The following NELL1 variants were observed in gnomAD, a reference collection of about 807,000 sequenced individuals.
NELL1 encodes the protein neural EGFL like 1.
NELL1 carries 76 observed loss-of-function variants against 107.4 expected under a neutral mutation model. The ratio of observed to expected loss-of-function variants is 0.71; its 90% CI spans 0.59 to 0.86. The LOEUF (loss-of-function observed/expected upper bound fraction) is 0.86. Among genes scored for constraint, NELL1 ranks in the 40% least tolerant of loss-of-function variants. NELL1 has a pLI of 0.00. For synonymous variants in NELL1, 353 were observed against 341.2 expected, an observed-to-expected ratio of 1.03 and a Z score of -0.38; for missense variants, 1,024 against 1,005.5, an observed-to-expected ratio of 1.02 and a Z score of -0.25.
At chr11:20,737,498 T>C (rs1769095381) in intron 2 of NELL1, among the ~76,000 whole-genome samples, 1 of 152,082 alleles carries the variant, frequency 6.6e-6, no homozygotes, top group Non-Finnish European at 1.5e-5. Context: ...AATGTGACCC[T>C]GAGTCAGTTT....
intron 2 of NELL1, among the ~76,000 whole-genome samples, chr11:20,687,224 A>C (rs1047027176): frequency 2.6e-5 from 4 of 151,930 alleles, no homozygotes; most frequent in Admixed American, 6.6e-5. Context: ...AATTTTTATG[A>C]GTACATTATT....
intron 13 of NELL1, among the ~76,000 whole-genome samples, chr11:21,149,914 A>C (rs1856076303): frequency 6.6e-6 from 1 of 152,178 alleles, no homozygotes; most frequent in African/African-American, 2.4e-5. Flanking sequence ...GAAACAAAAC[A>C]GAGTGAAGCT....
At chr11:21,451,185 T>TAAAAAAAAAAAAAAAAAAAA (rs35257979) in intron 15 of NELL1, among the ~76,000 whole-genome samples, 2 of 101,584 alleles carry the variant, frequency 2.0e-5, no homozygotes, top group Admixed American at 1.2e-4. Flanking sequence ...AGACTCCGTC[T>TAAAAAAAAAAAAAAAAAAAA]AAAAAAAAAA....
chr11:21,235,155 G>A (rs1858173301), intron 14 of NELL1, among the ~76,000 whole-genome samples: 1 of 152,082 alleles, frequency 6.6e-6, no homozygotes, highest in Non-Finnish European at 1.5e-5. Flanking sequence ...CTGCCCTTAG[G>A]TGCCTTTATT....
At chr11:20,990,025 A>C (rs1461157759) in intron 12 of NELL1, among the ~76,000 whole-genome samples, 1 of 151,332 alleles carries the variant, frequency 6.6e-6, no homozygotes, top group Non-Finnish European at 1.5e-5. Context: ...ATTCCAGTCT[A>C]GTTTGCGACT....
At chr11:20,670,179 G>A (rs1486036789) in intron 1 of NELL1, among the ~76,000 whole-genome samples, 1 of 152,166 alleles carries the variant, frequency 6.6e-6, no homozygotes, top group Admixed American at 6.5e-5. Flanking sequence ...AGGCTGGGAA[G>A]GGGTAGCTGC....
Position 21,029,818 on chromosome 11 carries a change from TC to T in NELL1, c.1300+69260del, listed in dbSNP as rs555412791. 1.4e-3 allele frequency among the ~76,000 whole-genome samples: 209 copies of T among 152,314 alleles called. 1 individual carries two copies. Among genetic ancestry groups the T allele is most frequent in the Non-Finnish European group, 2.6e-3 (179 of 68,038 alleles). On this transcript the variant is annotated intron_variant, in intron 12 of 19. Transcript: ENST00000357134. ...TACTAGCGTCCAGCTTTCAATCCTC[TC>T]CAATCCTCTTTCAATCTTCTCTCCA...
At chr11:21,317,166 G>T (rs1271947247) in intron 14 of NELL1, among the ~76,000 whole-genome samples, 1 of 151,898 alleles carries the variant, frequency 6.6e-6, no homozygotes, top group Non-Finnish European at 1.5e-5. Context: ...TATGCTCTTA[G>T]CCACTACATT....
chr11:21,115,201 C>A (rs1385244666), intron 13 of NELL1, among the ~76,000 whole-genome samples: 1 of 151,992 alleles, frequency 6.6e-6, no homozygotes, highest in East Asian at 1.9e-4. Flanking sequence ...ACTGGCTCCA[C>A]AATTACTTTT....
chr11:20,854,926 G>T (rs1848855497), intron 4 of NELL1, among the ~76,000 whole-genome samples: 1 of 152,192 alleles, frequency 6.6e-6, no homozygotes, highest in Non-Finnish European at 1.5e-5. Context: ...AGATATAGAT[G>T]GCCAATATAA....
At chr11:21,373,536 C>T (rs1345418564) in intron 15 of NELL1, among the ~76,000 whole-genome samples, 1 of 152,062 alleles carries the variant, frequency 6.6e-6, no homozygotes, top group Non-Finnish European at 1.5e-5. Flanking sequence ...CTCTTATCCC[C>T]CTAGTTACTG....
chr11:21,253,932 G>A (rs1361869191), intron 14 of NELL1, among the ~76,000 whole-genome samples: 2 of 152,078 alleles, frequency 1.3e-5, no homozygotes, highest in Non-Finnish European at 2.9e-5. Context: ...GTTTAAATTT[G>A]AAGGACTAGG....
At chr11:21,148,083 G>A (rs1487525941) in intron 13 of NELL1, among the ~76,000 whole-genome samples, 1 of 152,112 alleles carries the variant, frequency 6.6e-6, no homozygotes, top group Admixed American at 6.5e-5. Flanking sequence ...AGTATCTTAA[G>A]TGTGTGTGCC....
intron 2 of NELL1, among the ~76,000 whole-genome samples, chr11:20,710,240 G>A (rs751970102): frequency 8.5e-5 from 13 of 152,060 alleles, no homozygotes; most frequent in African/African-American, 1.7e-4. Context: ...TGCCAGTTTC[G>A]CTGAGGTTTT....
At chr11:21,130,660 A>G (rs1472314952) in intron 13 of NELL1, among the ~76,000 whole-genome samples, 1 of 152,230 alleles carries the variant, frequency 6.6e-6, no homozygotes. Context: ...CTGTTGATAA[A>G]TAATTCAGAT....
chr11:21,078,058 A>G (rs1249485756), intron 12 of NELL1, among the ~76,000 whole-genome samples: 1 of 152,164 alleles, frequency 6.6e-6, no homozygotes, highest in Non-Finnish European at 1.5e-5. Context: ...TTACGTCCTT[A>G]TGATTTTTTC....
At chr11:20,996,672 A>G (rs1055665304) in intron 12 of NELL1, among the ~76,000 whole-genome samples, 1 of 152,144 alleles carries the variant, frequency 6.6e-6, no homozygotes, top group Non-Finnish European at 1.5e-5. Context: ...CCACATCCCC[A>G]TTTCTGTTAA....
At chr11:21,307,021 G>C (rs752010281) in intron 14 of NELL1, among the ~76,000 whole-genome samples, 1 of 151,950 alleles carries the variant, frequency 6.6e-6, no homozygotes, top group Non-Finnish European at 1.5e-5. Flanking sequence ...AGTCAATAGC[G>C]TGCCTTTTTC....
intron 13 of NELL1, among the ~76,000 whole-genome samples, chr11:21,215,515 A>G (rs1201993447): frequency 2.6e-5 from 4 of 152,170 alleles, no homozygotes; most frequent in Non-Finnish European, 5.9e-5. Context: ...GGCTTAGAAG[A>G]AGATTGGAAA....
Sources: gnomAD v4.1 joint callset for allele counts (sites outside exome capture counted in the v4.1 genomes callset) on GRCh38, gnomAD v4.1.1 for gene constraint, MANE v1.5 for transcripts, NCBI Gene and HGNC (gene_info 2026-07-23, HGNC 2026-07-21) for gene names.